Variants in GALNT18 observed in about 807,000 individuals in gnomAD.
The protein encoded by GALNT18 is polypeptide N-acetylgalactosaminyltransferase 18, also known as GalNAc-transferase 18.
In GALNT18, 44 loss-of-function variants were observed where a neutral mutation model predicts 69.5. That is an observed-to-expected ratio of 0.63 (90% confidence interval 0.50 to 0.81). The LOEUF is 0.81. Among genes scored for constraint, GALNT18 ranks in the 40% least tolerant of loss-of-function variants. The pLI, the probability that GALNT18 is intolerant of heterozygous loss-of-function variation, is 0.00. For synonymous variants in GALNT18, 364 were observed against 318.2 expected (o/e 1.14, Z -1.53); for missense variants, 715 against 810.0 (o/e 0.88, Z 1.42).
intron 3 of GALNT18, among the ~76,000 whole-genome samples, chr11:11,409,900 A>T (rs900790855): frequency 6.6e-6 from 1 of 152,190 alleles, no homozygotes; most frequent in Non-Finnish European, 1.5e-5. Context: ...AAAGATTAAT[A>T]CACAGTGACA....
At chr11:11,571,546 T>C (rs1218655948) in intron 1 of GALNT18, among the ~76,000 whole-genome samples, 1 of 152,186 alleles carries the variant, frequency 6.6e-6, no homozygotes, top group Non-Finnish European at 1.5e-5. Flanking sequence ...TGGTGGGACA[T>C]GCCTCTTCCT....
At chr11:11,281,568 G>A (rs573916226) in intron 10 of GALNT18, among the ~76,000 whole-genome samples, 4 of 152,260 alleles carry the variant, frequency 2.6e-5, no homozygotes, top group East Asian at 1.9e-4. Flanking sequence ...GGAGAAACAC[G>A]TCCCGCACAG....
chr11:11,377,114 T>C lies in GALNT18; in HGVS notation c.977+68A>G. 3 of 1,462,396 alleles carry C rather than the reference T, an allele frequency of 2.1e-6. No homozygotes were observed. Among genetic ancestry groups the C allele is most frequent in the Non-Finnish European group, 2.9e-6 (3 of 1,051,276 alleles). 90.6% of individuals were successfully genotyped at this position (1,462,396 alleles called of 1,614,324 possible). On this transcript the variant is annotated intron_variant, in intron 5 of 10. Coordinates refer to ENST00000227756, the MANE Select transcript of GALNT18 (RefSeq NM_198516.3). This position sits in a 1 kb window ranked among gnomAD's most constrained non-coding sequence, Gnocchi z 4.6. ...GGGGCTCAAGTTGGAGAATAAGCAT[T>C]GGACCAGTAGGCGGTCCCTAGCCTG...
rs1226190050 is a variant in GALNT18, at chr11:11,586,170, G to T, written c.235+35189C>A. Among the ~76,000 whole-genome samples the T allele has an allele frequency of 6.6e-6, 1 of 152,070 alleles. No homozygotes were observed. The highest frequency in any genetic ancestry group is 1.9e-4 in the East Asian group (1 of 5,172). On this transcript the variant is annotated intron_variant, in intron 1 of 10. Transcript: ENST00000227756. The surrounding 1 kb of genome is among the most constrained non-coding windows in gnomAD (Gnocchi z 4.1). ...ATTGTTTATAAGCCATGCCATCTAG[G>T]GTATTTTATTATAGCAGTCTGAATG...
At position 11,591,753 on chromosome 11, in the gene GALNT18, G is replaced by T; in HGVS notation, c.235+29606C>A. On this transcript the variant is annotated intron_variant, in intron 1 of 10. Transcript: ENST00000227756. This position sits in a 1 kb window ranked among gnomAD's most constrained non-coding sequence, Gnocchi z 4.8. Reference sequence around the variant, plus strand: ...ACAATGAGCCCAGCCATACAGATGTGCTCCCATACCCTTTGAAGGGACAAA... The same window carrying T: ...ACAATGAGCCCAGCCATACAGATGTTCTCCCATACCCTTTGAAGGGACAAA... 6.6e-6 allele frequency among the ~76,000 whole-genome samples: 1 copy of T among 152,200 alleles called. No homozygotes were observed. The highest frequency in any genetic ancestry group is 1.9e-4 in the East Asian group (1 of 5,202).
At chr11:11,293,234 T>C (rs1323275971) in intron 9 of GALNT18, 41 bp from the exon 10 acceptor site, 7 of 1,308,856 alleles carry the variant, frequency 5.3e-6, no homozygotes, top group East Asian at 2.8e-5. Flanking sequence ...TAAATGCCAA[T>C]GGCCACGGAG....
In GALNT18 at chr11:11,389,242, C is replaced by T. The variant is rs942798110; in HGVS notation, c.596-9978G>A. Among the ~76,000 whole-genome samples the T allele has an allele frequency of 5.9e-5, 9 of 152,316 alleles. No individual in the cohort carries two copies. Among genetic ancestry groups the T allele is most frequent in the Admixed American group, 6.5e-5 (1 of 15,304 alleles). ...TGCCTCTGAAGACTTGGCTCTTTTC[C>T]AGTCTGTCCAGCAGCCTTCCGAAGG... On this transcript the variant is annotated intron_variant, in intron 3 of 10. Transcript: ENST00000227756. The surrounding 1 kb of genome is among the most constrained non-coding windows in gnomAD (Gnocchi z 4.3).
intron 3 of GALNT18, among the ~76,000 whole-genome samples, chr11:11,412,536 G>A (rs1484222217): frequency 2.0e-5 from 3 of 152,226 alleles, no homozygotes; most frequent in Admixed American, 2.0e-4. Flanking sequence ...ACTGTGGACA[G>A]GAGGTGCTCA....
intron 10 of GALNT18, among the ~76,000 whole-genome samples, chr11:11,276,680 G>A (rs1378554795): frequency 6.6e-6 from 1 of 152,126 alleles, no homozygotes; most frequent in Non-Finnish European, 1.5e-5. Context: ...TTTGAGATAT[G>A]TTCCATCGAT....
Position 11,586,335 on chromosome 11 carries a change from A to G in GALNT18, c.235+35024T>C, listed in dbSNP as rs1473771278. 2.0e-5 allele frequency among the ~76,000 whole-genome samples: 3 copies of G among 152,216 alleles called. No homozygotes were observed. Among genetic ancestry groups the G allele is most frequent in the Non-Finnish European group, 4.4e-5 (3 of 68,036 alleles). ...TGAAATTTTCTCAGTTTAAATTTCT[A>G]TTGTGGCAAATATTAACTGATACAA... On this transcript the variant is annotated intron_variant, in intron 1 of 10. Transcript: ENST00000227756. This position sits in a 1 kb window ranked among gnomAD's most constrained non-coding sequence, Gnocchi z 4.1.
chr11:11,281,727 C>T (rs1204689414), intron 10 of GALNT18, among the ~76,000 whole-genome samples: 1 of 134,840 alleles, frequency 7.4e-6, no homozygotes, highest in Non-Finnish European at 1.7e-5. Context: ...GCCACAGCCT[C>T]AGCACCCTAG....
chr11:11,581,815 G>C lies in GALNT18; in HGVS notation c.235+39544C>G, dbSNP rs368272142. ...GAGAGGTTGTGCTTATTCCTAAAAG[G>C]GTGGTCACTCTCCACATGCTGGGAG... On this transcript the variant is annotated intron_variant, in intron 1 of 10. Transcript: ENST00000227756. Among the ~76,000 whole-genome samples, 15 of 152,148 alleles carry C rather than the reference G, an allele frequency of 9.9e-5. No homozygotes were observed. The East Asian group carries it at 2.7e-3, about 28-fold the overall frequency.
intron 1 of GALNT18, among the ~76,000 whole-genome samples, chr11:11,547,657 C>T (rs948856163): frequency 3.3e-5 from 5 of 152,216 alleles, no homozygotes; most frequent in South Asian, 2.1e-4. Context: ...GCTCGAGACC[C>T]TGCTACCATG....
intron 9 of GALNT18, among the ~76,000 whole-genome samples, chr11:11,321,421 C>T (rs765593249): frequency 6.6e-6 from 1 of 152,112 alleles, no homozygotes; most frequent in Non-Finnish European, 1.5e-5. Context: ...TAAAATTCTA[C>T]CTCAATAAAA....
chr11:11,451,854 C>T (rs1392942880), intron 1 of GALNT18, among the ~76,000 whole-genome samples: 1 of 152,280 alleles, frequency 6.6e-6, no homozygotes, highest in Admixed American at 6.5e-5. Flanking sequence ...TCAGTGACAT[C>T]GAATAAAGGC....
rs893374155 is a variant in GALNT18, at chr11:11,591,154, G to A, written c.235+30205C>T. 8.6e-6 allele frequency among the ~76,000 whole-genome samples: 1 copy of A among 116,408 alleles called. No individual in the cohort carries two copies. The highest frequency in any genetic ancestry group is 3.5e-5 in the African/African-American group (1 of 28,214). 76.4% of individuals were successfully genotyped at this position (116,408 alleles called of 152,430 possible). The stretch of plus-strand genomic sequence containing the variant: ...GATGATGCTGACTCTGTAGGCCTAG[G>A]CTACCGTGTGTGTGTGTGTGTGTGT... On this transcript the variant is annotated intron_variant, in intron 1 of 10. Transcript: ENST00000227756. This position sits in a 1 kb window ranked among gnomAD's most constrained non-coding sequence, Gnocchi z 4.8.
At chr11:11,456,505 A>C (rs548848146) in intron 1 of GALNT18, among the ~76,000 whole-genome samples, 442 of 152,284 alleles carry the variant, frequency 2.9e-3, no homozygotes, top group African/African-American at 0.01. Context: ...CTGCAACCCC[A>C]GGTGCTCTGG....
At chr11:11,611,543 A>G (rs954127864) in intron 1 of GALNT18, among the ~76,000 whole-genome samples, 5 of 152,172 alleles carry the variant, frequency 3.3e-5, no homozygotes, top group African/African-American at 1.2e-4. Flanking sequence ...AGAATTCACC[A>G]CTGTGAGAAG....
intron 1 of GALNT18, among the ~76,000 whole-genome samples, chr11:11,473,415 A>G (rs1322942215): frequency 6.6e-6 from 1 of 152,240 alleles, no homozygotes; most frequent in Non-Finnish European, 1.5e-5. Context: ...TCAATGGAGA[A>G]TCTGCATTTC....
Sources: allele counts gnomAD v4.1 joint callset (sites outside exome capture counted in the v4.1 genomes callset), GRCh38; gene constraint gnomAD v4.1.1; non-coding constraint Gnocchi (gnomAD v3.1); transcripts MANE v1.5; gene names NCBI Gene and HGNC (gene_info 2026-07-23, HGNC 2026-07-21).